CDON: variants seen among roughly 807,000 people sequenced by gnomAD.
CDON encodes cell adhesion molecule-related/down-regulated by oncogenes.
A neutral mutation model predicts 120.9 loss-of-function variants in CDON; 73 were observed. That is an observed-to-expected ratio of 0.60 (90% CI 0.50 to 0.73). The LOEUF is 0.73. CDON is among the 30% of genes least tolerant of loss of function. The pLI is 0.00. For synonymous variants in CDON, 566 were observed against 573.5 expected, an observed-to-expected ratio of 0.99 and a Z score of 0.19; for missense variants, 1,470 against 1,587.3, an observed-to-expected ratio of 0.93 and a Z score of 1.26.
Position 126,026,060 on chromosome 11 carries a change from T to G in CDON, c.-61-2523A>C, listed in dbSNP as rs377303288. On this transcript the variant is annotated intron_variant, in intron 1 of 19. Transcript: ENST00000531738. Reference sequence around the variant, plus strand: ...GACATCATATTTAGCTTTACAAAATTTTAGTGCCTAGCAGAAAGTAGCTTT... The same window carrying G: ...GACATCATATTTAGCTTTACAAAATGTTAGTGCCTAGCAGAAAGTAGCTTT... 2.9e-4 allele frequency among the ~76,000 whole-genome samples: 44 copies of G among 152,318 alleles called. No individual in the cohort carries two copies. The East Asian group carries it at 6.9e-3, about 24-fold the overall frequency.
rs760389665 is a variant in CDON at position 125,983,963 on chromosome 11, G to A, written c.2904C>T (p.Ile968=). ...PARSSDMLYL[I]VGCVLGVMVL... is the part of the protein sequence containing the mutation. ...CCATGACGCCCAGCACACAGCCAAC[G>A]ATCAGATATAACATGTCACTGCTTC... The change falls in exon 16 of 20, where the codon ATC becomes ATT. Residue 968 remains isoleucine, a synonymous_variant. Coordinates refer to ENST00000531738, the MANE Select transcript of CDON (RefSeq NM_001378964.1). 15 of 1,614,066 alleles carry A rather than the reference G, an allele frequency of 9.3e-6. No individual in the cohort carries two copies. Among genetic ancestry groups the A allele is most frequent in the Middle Eastern group, 1.7e-4 (1 of 6,060 alleles).
Position 125,981,217 on chromosome 11 carries a change from GA to G in CDON, c.3107del (p.Phe1036SerfsTer2). 1 of 1,614,188 alleles carries G rather than the reference GA, an allele frequency of 6.2e-7. No individual in the cohort carries two copies. Among genetic ancestry groups the G allele is most frequent in the Non-Finnish European group, 8.5e-7 (1 of 1,180,032 alleles). On this transcript the variant is annotated frameshift_variant, in exon 17 of 20. Coordinates refer to ENST00000531738, the MANE Select transcript of CDON (RefSeq NM_001378964.1). LOFTEE classifies it high-confidence loss of function. ...SQINGNVHGG[F>X]LTNGGLSSGY... ...CACTGCTGAGACCGCCATTGGTTAGGAAGCCTCCGTGAACATTTCCATTTAT... is the reference window on the plus strand; with the variant it reads ...CACTGCTGAGACCGCCATTGGTTAGGAGCCTCCGTGAACATTTCCATTTAT...
intron 16 of CDON, among the ~76,000 whole-genome samples, chr11:125,983,525 T>C (rs994890118): frequency 1.3e-5 from 2 of 152,294 alleles, no homozygotes; most frequent in Non-Finnish European, 1.5e-5. Flanking sequence ...TCTGTACCAG[T>C]GTAAAGGTGT....
At chr11:126,049,161 G>A (rs1948491516) in intron 1 of CDON, among the ~76,000 whole-genome samples, 1 of 152,084 alleles carries the variant, frequency 6.6e-6, no homozygotes, top group Admixed American at 6.5e-5. Context: ...AAATACTACA[G>A]ACAGTTTATA....
intron 8 of CDON, among the ~76,000 whole-genome samples, chr11:126,008,331 G>C (rs527279404): frequency 5.9e-5 from 9 of 152,274 alleles, no homozygotes; most frequent in Non-Finnish European, 1.3e-4. Context: ...CCTATGCAAA[G>C]AAGTGAGTTG....
chr11:126,017,793 A>T (rs1379643998), intron 5 of CDON, among the ~76,000 whole-genome samples: 1 of 152,014 alleles, frequency 6.6e-6, no homozygotes, highest in Non-Finnish European at 1.5e-5. Context: ...TTGTTTGAAC[A>T]AAGGGCAAAA....
chr11:125,964,973 C>A (rs185003476), intron 18 of CDON, among the ~76,000 whole-genome samples: 1 of 152,326 alleles, frequency 6.6e-6, no homozygotes, highest in Non-Finnish European at 1.5e-5. Context: ...GTTGCCCAGG[C>A]TGGAGTGCAA....
intron 1 of CDON, among the ~76,000 whole-genome samples, chr11:126,043,836 C>T (rs552841570): frequency 2.9e-4 from 44 of 152,162 alleles, no homozygotes; most frequent in African/African-American, 8.9e-4. Context: ...TTCTAATCTG[C>T]GGATGGATTT....
At position 126,049,107 on chromosome 11, in the gene CDON, A is replaced by T. The variant is rs911181768; in HGVS notation, c.-62+13472T>A. On this transcript the variant is annotated intron_variant, in intron 1 of 19. Coordinates refer to ENST00000531738, the MANE Select transcript of CDON (RefSeq NM_001378964.1). ...TTTTTAAGCCATTTAATTATAACCT[A>T]AAAAACAGCATACAAATTAATGCAT... is the stretch of plus-strand genomic sequence containing the variant. Among the ~76,000 whole-genome samples, 6 of 152,236 alleles carry T rather than the reference A, an allele frequency of 3.9e-5. No individual in the cohort carries two copies. In the East Asian group the frequency reaches 1.2e-3, roughly 29 times the overall value.
At chr11:126,049,340 A>G (rs542897711) in intron 1 of CDON, among the ~76,000 whole-genome samples, 1 of 152,356 alleles carries the variant, frequency 6.6e-6, no homozygotes, top group South Asian at 2.1e-4. Flanking sequence ...GATCGTAGAT[A>G]AGTAATGACT....
chr11:125,961,599 C>G, intron 19 of CDON, 125 bp downstream of exon 19: 1 of 1,311,302 alleles, frequency 7.6e-7, no homozygotes, highest in Non-Finnish European at 1.1e-6. Context: ...GCACCCCACC[C>G]AGTCTCCCAA....
At chr11:126,053,866 G>A (rs534721799) in intron 1 of CDON, among the ~76,000 whole-genome samples, 1 of 151,824 alleles carries the variant, frequency 6.6e-6, no homozygotes, top group Admixed American at 6.5e-5. Context: ...AATTGTTACT[G>A]CCTGTTATTC....
chr11:126,038,433 C>T (rs1194879005), intron 1 of CDON, among the ~76,000 whole-genome samples: 4 of 152,138 alleles, frequency 2.6e-5, no homozygotes, highest in Non-Finnish European at 4.4e-5. Flanking sequence ...AGGAGGATCA[C>T]CTGAGGTCAG....
At chr11:126,001,647 C>T in intron 11 of CDON, 72 bp downstream of exon 11, 2 of 1,359,020 alleles carry the variant, frequency 1.5e-6, no homozygotes. Context: ...CACCCTATTC[C>T]ACCCCACCTC....
At chr11:126,030,627 C>T (rs1394172329) in intron 1 of CDON, among the ~76,000 whole-genome samples, 1 of 152,134 alleles carries the variant, frequency 6.6e-6, no homozygotes, top group African/African-American at 2.4e-5. Flanking sequence ...TTCAAACAAT[C>T]TATCTCAAAA....
intron 15 of CDON, among the ~76,000 whole-genome samples, chr11:125,987,738 A>G (rs1946510285): frequency 6.6e-6 from 1 of 152,194 alleles, no homozygotes; most frequent in South Asian, 2.1e-4. Flanking sequence ...GATAAATTTC[A>G]TTTTTATTTA....
At chr11:126,025,531 G>GGTGT (rs66968762) in intron 1 of CDON, among the ~76,000 whole-genome samples, 47 of 150,640 alleles carry the variant, frequency 3.1e-4, no homozygotes, top group South Asian at 6.3e-4. Context: ...GTTTGTGGGG[G>GGTGT]GTGTGTGTGT....
chr11:125,978,531 C>T (rs115509940), intron 17 of CDON, 148 bp from the exon 18 acceptor site: 127 of 680,304 alleles, frequency 1.9e-4, no homozygotes, highest in African/African-American at 1.5e-3. Flanking sequence ...CCCAGAGCAA[C>T]GTCATTGTGA....
At chr11:125,973,144 T>C (rs1946053585) in intron 18 of CDON, among the ~76,000 whole-genome samples, 1 of 151,464 alleles carries the variant, frequency 6.6e-6, no homozygotes. Flanking sequence ...CTGTTTCTCA[T>C]CTGGACTACT....
Sources: allele counts gnomAD v4.1 joint callset (sites outside exome capture counted in the v4.1 genomes callset), GRCh38; gene constraint gnomAD v4.1.1; transcripts MANE v1.5; gene names NCBI Gene and HGNC (gene_info 2026-07-23, HGNC 2026-07-21).